ZNF273: variants seen among roughly 807,000 people sequenced by gnomAD.
ZNF273 encodes the protein zinc finger protein 273.
In ZNF273, 11 loss-of-function variants were observed where a neutral mutation model predicts 14.9. The ratio of observed to expected loss-of-function variants is 0.74; its 90% CI spans 0.46 to 1.22. The LOEUF is 1.22. Ranked by LOEUF, ZNF273 falls within the 50% of genes most tolerant of loss-of-function variation. ZNF273 has a pLI of 0.00. For synonymous variants in ZNF273, 199 were observed against 223.9 expected, an observed-to-expected ratio of 0.89 and a Z score of 0.99; for missense variants, 577 against 660.6, an observed-to-expected ratio of 0.87 and a Z score of 1.39.
intron 1 of ZNF273, among the ~76,000 whole-genome samples, chr7:64,885,258 C>T (rs74833352): frequency 6.6e-6 from 1 of 152,260 alleles, no homozygotes; most frequent in Non-Finnish European, 1.5e-5. Flanking sequence ...CCCAAGCCCT[C>T]TCTGTGGTCC....
intron 3 of ZNF273, among the ~76,000 whole-genome samples, chr7:64,920,895 T>C (rs1291689308): frequency 6.6e-6 from 1 of 152,118 alleles, no homozygotes; most frequent in Non-Finnish European, 1.5e-5. Context: ...CCTGATTCTC[T>C]CATAGAGGCA....
At chr7:64,932,080 A>G (rs554537001), downstream of ZNF273, among the ~76,000 whole-genome samples, 5 of 151,996 alleles carry the variant, frequency 3.3e-5, no homozygotes, top group Non-Finnish European at 7.4e-5. Flanking sequence ...TTTGATGAGA[A>G]ATTTGATATT....
chr7:64,889,835 A>G (rs926126425), downstream of ZNF273: 5 of 909,502 alleles, frequency 5.5e-6, no homozygotes, highest in East Asian at 4.7e-4. The surrounding 1 kb of genome is among the most constrained non-coding windows in gnomAD (Gnocchi z 4.2). Context: ...CGGGCAAGTC[A>G]GTTGCCTCAG....
intron 3 of ZNF273, among the ~76,000 whole-genome samples, chr7:64,921,636 T>TTGTGTG (rs1491013974): frequency 2.4e-4 from 8 of 33,968 alleles, no homozygotes; most frequent in South Asian, 9.6e-4. Flanking sequence ...TTTTTTTTTT[T>TTGTGTG]TGTGTGTGAG....
At chr7:64,927,051 A>G (rs1352046072) in intron 3 of ZNF273, among the ~76,000 whole-genome samples, 1 of 152,184 alleles carries the variant, frequency 6.6e-6, no homozygotes, top group Non-Finnish European at 1.5e-5. Flanking sequence ...TGTGTGTGCC[A>G]CTGTTTTTCT....
chr7:64,910,135 C>T (rs868111056), intron 1 of ZNF273, among the ~76,000 whole-genome samples: 41 of 151,964 alleles, frequency 2.7e-4, no homozygotes, highest in African/African-American at 8.9e-4. Context: ...TCTTTTTACT[C>T]TGTTGATAGT....
Position 64,918,290 on chromosome 7 carries a change from CAGGT to C in ZNF273, c.325+3_325+6del. 1 of 1,556,980 alleles carries C rather than the reference CAGGT, an allele frequency of 6.4e-7. No individual in the cohort carries two copies. Among genetic ancestry groups the C allele is most frequent in the Non-Finnish European group, 8.7e-7 (1 of 1,146,868 alleles). ...AGACATGCGATGGTAGCCAAACCCC[CAGGT>C]AGGTGAGAGTGATAGCGAATATAAC... On this transcript the variant is annotated splice_donor_variant and coding_sequence_variant, in exon 3 of 4. Transcript: ENST00000476120. LOFTEE classifies it high-confidence loss of function.
chr7:64,929,465 C>A lies in ZNF273; in HGVS notation c.*427C>A, dbSNP rs1392966626. Reference sequence around the variant, plus strand: ...CAGGAAATTTATATTGGAGAAAAACCCTATGAGTGTAATGAATTTGGAAAA... The same window carrying A: ...CAGGAAATTTATATTGGAGAAAAACACTATGAGTGTAATGAATTTGGAAAA... On this transcript the variant is annotated 3_prime_UTR_variant, in exon 4 of 4. Coordinates refer to ENST00000476120, the MANE Select transcript of ZNF273 (RefSeq NM_021148.3). The A allele has an allele frequency of 1.3e-5, 2 of 152,720 alleles. No homozygotes were observed. Among genetic ancestry groups the A allele is most frequent in the Non-Finnish European group, 2.9e-5 (2 of 68,464 alleles). The allele number at this position is 152,720 out of a possible 1,614,324, so 9.5% of individuals were successfully genotyped here.
chr7:64,887,368 C>G (rs889765077), intron 1 of ZNF273, among the ~76,000 whole-genome samples: 8 of 152,164 alleles, frequency 5.3e-5, no homozygotes, highest in African/African-American at 1.9e-4. Context: ...ACGTGGGTCT[C>G]CCTCCTTCCA....
downstream of ZNF273, chr7:64,933,569 A>G (rs944396109): frequency 6.6e-6 from 1 of 152,198 alleles, no homozygotes; most frequent in Non-Finnish European, 1.5e-5. Flanking sequence ...CCTAAAGTAC[A>G]TTGGCTTTTC....
In ZNF273 at chr7:64,887,573, C is replaced by A. The variant is rs568045375; in HGVS notation, n.274-1000C>A. On this transcript the variant is annotated intron_variant and non_coding_transcript_variant, in intron 1 of 1. Coordinates refer to the ZNF273 transcript ENST00000471926. ...AGTGCAGTGGTGGGATCTCAGCTCACTGCAACCTCTGCCTCCCGGGTTCAA... is the reference window on the plus strand; with the variant it reads ...AGTGCAGTGGTGGGATCTCAGCTCAATGCAACCTCTGCCTCCCGGGTTCAA... 4.6e-5 allele frequency among the ~76,000 whole-genome samples: 7 copies of A among 152,310 alleles called. No homozygotes were observed. The South Asian group carries it at 6.2e-4, about 14-fold the overall frequency.
intron 1 of ZNF273, chr7:64,878,362 A>T (rs182004145): frequency 6.6e-6 from 1 of 152,258 alleles, no homozygotes; most frequent in African/African-American, 2.4e-5. Flanking sequence ...GGGCCAAAGC[A>T]TAGGAGTCCT....
chr7:64,915,149 T>C (rs1422293768), intron 1 of ZNF273, among the ~76,000 whole-genome samples: 2 of 152,186 alleles, frequency 1.3e-5, no homozygotes, highest in Non-Finnish European at 2.9e-5. Flanking sequence ...TTTCTCTACA[T>C]CGTGGCTTCT....
chr7:64,932,083 T>A (rs192180775), downstream of ZNF273, among the ~76,000 whole-genome samples: 2 of 152,228 alleles, frequency 1.3e-5, no homozygotes, highest in East Asian at 3.9e-4. Context: ...GATGAGAAAT[T>A]TGATATTTTT....
upstream of ZNF273, among the ~76,000 whole-genome samples, chr7:64,902,493 G>T (rs769426528): frequency 2.0e-5 from 3 of 152,226 alleles, no homozygotes; most frequent in Non-Finnish European, 4.4e-5. Context: ...ACTTTGGGAA[G>T]CCGAGGCGGG....
intron 3 of ZNF273, among the ~76,000 whole-genome samples, chr7:64,920,210 A>T (rs1794326210): frequency 6.6e-6 from 1 of 152,152 alleles, no homozygotes; most frequent in South Asian, 2.1e-4. Context: ...GGGTAGTTGT[A>T]ATTCCCATTA....
At chr7:64,889,717 T>A (rs1791854173), downstream of ZNF273, 5 of 985,644 alleles carry the variant, frequency 5.1e-6, no homozygotes. The surrounding 1 kb of genome is among the most constrained non-coding windows in gnomAD (Gnocchi z 4.2). Context: ...GGTTTGGGAG[T>A]GTAGCTGGAC....
chr7:64,903,551 C>A, intron 1 of ZNF273, 132 bp downstream of exon 1: 1 of 941,894 alleles, frequency 1.1e-6, no homozygotes, highest in Non-Finnish European at 1.6e-6. Flanking sequence ...CTCCTTGGCG[C>A]AGCTCGGCCC....
Position 64,914,191 on chromosome 7 carries a change from T to G in ZNF273, c.103-3390T>G, listed in dbSNP as rs988692491. Among the ~76,000 whole-genome samples, 8 of 128,508 alleles carry G rather than the reference T, an allele frequency of 6.2e-5. 1 individual carries two copies. The South Asian group carries it at 8.0e-4, about 13-fold the overall frequency. 84.3% of individuals were successfully genotyped at this position (128,508 alleles called of 152,430 possible). On this transcript the variant is annotated intron_variant, in intron 1 of 3. Coordinates refer to ENST00000476120, the MANE Select transcript of ZNF273 (RefSeq NM_021148.3). ...TCCTGGTAATTTTTGTATTTTTTTT[T>G]TTTTTTTTTTTTTTTTTAGTACAGA...
Sources: gnomAD v4.1 joint callset for allele counts (sites outside exome capture counted in the v4.1 genomes callset) on GRCh38, gnomAD v4.1.1 for gene constraint, Gnocchi (gnomAD v3.1) non-coding constraint, MANE v1.5 for transcripts, NCBI Gene and HGNC (gene_info 2026-07-23, HGNC 2026-07-21) for gene names.